CYP2J2: variants seen among roughly 807,000 people sequenced by gnomAD.
CYP2J2 encodes cytochrome P450 family 2 subfamily J member 2, also known as cytochrome P450 2J2.
A neutral mutation model predicts 48.8 loss-of-function variants in CYP2J2; 41 were observed. That is an observed-to-expected ratio of 0.84 (90% CI 0.66 to 1.09). The LOEUF (loss-of-function observed/expected upper bound fraction) is 1.09. CYP2J2 is among the 50% of genes least tolerant of loss of function. CYP2J2 has a pLI of 0.00. For missense variants in CYP2J2, 644 were observed against 617.3 expected (o/e 1.04, Z -0.46); for synonymous variants, 221 against 227.1 (o/e 0.97, Z 0.24).
chr1:59,938,836 G>A, the CYP2J2 span, among the ~76,000 whole-genome samples: 1 of 152,214 alleles, frequency 6.6e-6, no homozygotes, highest in African/African-American at 2.4e-5. Flanking sequence ...GGCTTTCCAG[G>A]GCAGAGGTCC....
At chr1:59,967,300 G>A in the CYP2J2 span, among the ~76,000 whole-genome samples, 1 of 152,122 alleles carries the variant, frequency 6.6e-6, no homozygotes, top group Non-Finnish European at 1.5e-5. Flanking sequence ...TTTCCTCTTT[G>A]GAAAGGCTGT....
chr1:59,917,131 T>C (rs1028166740), intron 1 of CYP2J2, among the ~76,000 whole-genome samples: 1 of 152,116 alleles, frequency 6.6e-6, no homozygotes, highest in Non-Finnish European at 1.5e-5. Context: ...TCCCCAGCTA[T>C]AAAAGGGAGA....
chr1:59,963,658 G>T, the CYP2J2 span, among the ~76,000 whole-genome samples: 1 of 152,048 alleles, frequency 6.6e-6, no homozygotes, highest in Non-Finnish European at 1.5e-5. Context: ...AGATGTACAG[G>T]TATCTGTTCA....
At chr1:59,967,048 CT>C in the CYP2J2 span, among the ~76,000 whole-genome samples, 1 of 152,062 alleles carries the variant, frequency 6.6e-6, no homozygotes, top group African/African-American at 2.4e-5. Context: ...TTTTTCTCCC[CT>C]GAAATATGAC....
intron 7 of CYP2J2, among the ~76,000 whole-genome samples, 197 bp downstream of exon 7, chr1:59,904,674 G>A (rs1248997806): frequency 1.3e-5 from 2 of 151,968 alleles, no homozygotes; most frequent in Non-Finnish European, 2.9e-5. Context: ...TTTAACGTAG[G>A]AATCCTTCCT....
intron 1 of CYP2J2, 34 bp downstream of exon 1, chr1:59,926,503 T>G (rs1183578770): frequency 2.5e-6 from 4 of 1,574,876 alleles, no homozygotes; most frequent in Non-Finnish European, 3.5e-6. Flanking sequence ...AGAGTTAGGG[T>G]CAGGACACGC....
the CYP2J2 span, among the ~76,000 whole-genome samples, chr1:59,941,721 G>T: frequency 4.0e-5 from 6 of 151,518 alleles, no homozygotes; most frequent in Admixed American, 3.9e-4. Flanking sequence ...TGAGTGTGCT[G>T]GTGTCTTAGT....
chr1:59,924,354 A>G (rs1322743160), intron 1 of CYP2J2, among the ~76,000 whole-genome samples: 1 of 152,198 alleles, frequency 6.6e-6, no homozygotes, highest in Non-Finnish European at 1.5e-5. Flanking sequence ...AACATCAGAA[A>G]TGAAAAAAGA....
At chr1:59,902,268 G>T (rs188625340) in intron 7 of CYP2J2, among the ~76,000 whole-genome samples, 2 of 151,920 alleles carry the variant, frequency 1.3e-5, no homozygotes, top group Admixed American at 6.6e-5. Context: ...CAGTTATCAC[G>T]TTTCTAAATA....
At chr1:59,920,152 T>C (rs1443351523) in intron 1 of CYP2J2, among the ~76,000 whole-genome samples, 1 of 151,552 alleles carries the variant, frequency 6.6e-6, no homozygotes, top group Non-Finnish European at 1.5e-5. Context: ...AGATCTTAAA[T>C]GAAAGTCAGG....
At chr1:59,939,686 G>T in the CYP2J2 span, among the ~76,000 whole-genome samples, 1 of 152,186 alleles carries the variant, frequency 6.6e-6, no homozygotes, top group East Asian at 1.9e-4. Context: ...TAAGCCTGGG[G>T]CAGGTCCAGA....
intron 8 of CYP2J2, among the ~76,000 whole-genome samples, chr1:59,895,794 T>A (rs1262527622): frequency 6.6e-6 from 1 of 152,220 alleles, no homozygotes; most frequent in Non-Finnish European, 1.5e-5. Flanking sequence ...ACCATATTAT[T>A]AATTGCTGAT....
intron 8 of CYP2J2, among the ~76,000 whole-genome samples, chr1:59,897,092 C>T (rs970816403): frequency 2.9e-4 from 44 of 152,130 alleles, no homozygotes; most frequent in Admixed American, 4.6e-4. Context: ...ATGGTTATGT[C>T]GTTATATTAT....
upstream of CYP2J2, among the ~76,000 whole-genome samples, chr1:59,929,979 G>C (rs1255120424): frequency 6.6e-6 from 1 of 152,028 alleles, no homozygotes; most frequent in Non-Finnish European, 1.5e-5. Context: ...TAAAAATACT[G>C]AAAGACAAAG....
the CYP2J2 span, among the ~76,000 whole-genome samples, chr1:59,939,360 G>C: frequency 2.0e-4 from 30 of 152,308 alleles, no homozygotes; most frequent in Non-Finnish European, 3.8e-4. Context: ...GATGGTCTTA[G>C]ACAAGATCTC....
At chr1:59,936,853 A>G in the CYP2J2 span, among the ~76,000 whole-genome samples, 1 of 152,222 alleles carries the variant, frequency 6.6e-6, no homozygotes, top group Non-Finnish European at 1.5e-5. Context: ...CAGATTACAT[A>G]CTAACTTTAG....
In CYP2J2 at chr1:59,911,379, ATGT is replaced by A. The variant is rs148596499; in HGVS notation, c.684+226_684+228del. On this transcript the variant is annotated intron_variant, in intron 4 of 8. Transcript: ENST00000371204. ...GGTGGATAGGCGTATGTCATATAACATGTTGTACTTTACATGCATGTTAGAAAT... is the reference window on the plus strand; with the variant it reads ...GGTGGATAGGCGTATGTCATATAACATGTACTTTACATGCATGTTAGAAAT... Among the ~76,000 whole-genome samples the A allele has an allele frequency of 2.0e-4, 31 of 152,306 alleles. 1 individual carries two copies. The East Asian group carries it at 4.8e-3, about 24-fold the overall frequency.
At chr1:59,919,152 A>C (rs995314656) in intron 1 of CYP2J2, among the ~76,000 whole-genome samples, 1 of 152,044 alleles carries the variant, frequency 6.6e-6, no homozygotes, top group East Asian at 1.9e-4. Flanking sequence ...TGACAGCGAG[A>C]GAGAGAGAGA....
At chr1:59,964,042 T>C in the CYP2J2 span, among the ~76,000 whole-genome samples, 1 of 152,206 alleles carries the variant, frequency 6.6e-6, no homozygotes, top group Non-Finnish European at 1.5e-5. Flanking sequence ...CTGTGTCTAT[T>C]TAGCCCATTG....
Sources: allele counts gnomAD v4.1 joint callset (sites outside exome capture counted in the v4.1 genomes callset), GRCh38; gene constraint gnomAD v4.1.1; transcripts MANE v1.5; gene names NCBI Gene and HGNC (gene_info 2026-07-23, HGNC 2026-07-21).